The following XKR6 variants were observed in gnomAD, a reference collection of about 807,000 sequenced individuals.
XKR6 encodes the protein XK-related protein 6.
XKR6 carries 22 observed loss-of-function variants against 56.7 expected under a neutral mutation model. That is an observed-to-expected ratio of 0.39 (90% CI 0.28 to 0.55). The LOEUF (loss-of-function observed/expected upper bound fraction) is 0.55. XKR6 is among the 20% of genes least tolerant of loss of function. The pLI, the probability that XKR6 is intolerant of heterozygous loss-of-function variation, is 0.66. For missense variants in XKR6, 852 were observed against 889.0 expected (o/e 0.96, Z 0.53); for synonymous variants, 524 against 387.8 (o/e 1.35, Z -4.13).
chr8:11,158,751 C>A (rs767243103), intron 1 of XKR6, among the ~76,000 whole-genome samples: 6 of 152,104 alleles, frequency 3.9e-5, no homozygotes, highest in Admixed American at 1.3e-4. Context: ...GCAAAGATGA[C>A]GAAACGGACA....
chr8:11,181,650 G>T (rs10110684), intron 1 of XKR6, among the ~76,000 whole-genome samples: 1 of 152,046 alleles, frequency 6.6e-6, no homozygotes, highest in Admixed American at 6.5e-5. Context: ...AAGAAAATTT[G>T]GTGAGGAAGA....
At chr8:11,009,979 G>C (rs867637160) in intron 1 of XKR6, among the ~76,000 whole-genome samples, 24 of 152,208 alleles carry the variant, frequency 1.6e-4, no homozygotes, top group African/African-American at 5.8e-4. Flanking sequence ...GTATTAGTCT[G>C]TTCTCACATT....
At chr8:10,946,122 A>G (rs1239665088) in intron 1 of XKR6, among the ~76,000 whole-genome samples, 4 of 151,916 alleles carry the variant, frequency 2.6e-5, no homozygotes, top group Admixed American at 6.6e-5. Flanking sequence ...CCTCCTGACC[A>G]CACACACCTC....
At chr8:11,136,992 A>G (rs932758842) in intron 1 of XKR6, 1 of 152,360 alleles carries the variant, frequency 6.6e-6, no homozygotes, top group Admixed American at 6.5e-5. Flanking sequence ...ATGAAATAGA[A>G]TAGTAGTGTT....
chr8:10,962,910 A>G (rs1563314665), intron 1 of XKR6, among the ~76,000 whole-genome samples: 1 of 152,202 alleles, frequency 6.6e-6, no homozygotes, highest in African/African-American at 2.4e-5. Context: ...GGCATGAGCC[A>G]TCGCACCTGG....
At chr8:10,917,881 G>A (rs920845660) in intron 2 of XKR6, among the ~76,000 whole-genome samples, 11 of 152,186 alleles carry the variant, frequency 7.2e-5, no homozygotes, top group African/African-American at 2.4e-4. Flanking sequence ...TGAACTACAC[G>A]TTTTCTCAAA....
chr8:10,907,201 G>A, intron 2 of XKR6, among the ~76,000 whole-genome samples: 1 of 152,200 alleles, frequency 6.6e-6, no homozygotes, highest in East Asian at 1.9e-4. Flanking sequence ...ACATAAGAAA[G>A]GAGGATTTGG....
Position 11,061,363 on chromosome 8 carries a change from G to A in XKR6, c.765-136533C>T, listed in dbSNP as rs796761173. On this transcript the variant is annotated intron_variant, in intron 1 of 2. Coordinates refer to ENST00000416569, the MANE Select transcript of XKR6 (RefSeq NM_173683.4). ...CACCTGTAGTCCCAGCTACTGTGGA[G>A]GCTGAGGTGGGAGGATCACCTGAAC... 5.9e-5 allele frequency among the ~76,000 whole-genome samples: 9 copies of A among 152,270 alleles called. 1 individual carries two copies. Among genetic ancestry groups the A allele is most frequent in the African/African-American group, 2.2e-4 (9 of 41,548 alleles).
chr8:11,186,538 C>G (rs553506848), intron 1 of XKR6, among the ~76,000 whole-genome samples: 22 of 152,252 alleles, frequency 1.4e-4, no homozygotes, highest in African/African-American at 5.1e-4. Flanking sequence ...ACACCACATC[C>G]AGCTCATCTA....
chr8:11,005,711 G>C (rs75536426), intron 1 of XKR6, among the ~76,000 whole-genome samples: 3,729 of 152,102 alleles, frequency 0.025, 83 homozygotes, highest in Non-Finnish European at 0.036. Context: ...AATATTATAA[G>C]ATAGGAATCA....
rs1284631438 is a variant in XKR6 at position 11,049,466 on chromosome 8, G to A, written c.765-124636C>T. ...TCCCTGCGCCTCTCTGCAGGGGGCT[G>A]CGGGAATTAGCCTCCTCCAGGGGTG... On this transcript the variant is annotated intron_variant, in intron 1 of 2. Coordinates refer to ENST00000416569, the MANE Select transcript of XKR6 (RefSeq NM_173683.4). Among the ~76,000 whole-genome samples, 3 of 152,152 alleles carry A rather than the reference G, an allele frequency of 2.0e-5. No homozygotes were observed. In the East Asian group the frequency reaches 5.8e-4, roughly 29 times the overall value.
chr8:10,976,822 G>C (rs1467040812), intron 1 of XKR6, among the ~76,000 whole-genome samples: 6 of 151,778 alleles, frequency 4.0e-5, no homozygotes, highest in Non-Finnish European at 8.8e-5. Context: ...GATTTTACTT[G>C]CAATCCTCCA....
chr8:11,160,389 G>T (rs1801737110), intron 1 of XKR6, among the ~76,000 whole-genome samples: 1 of 150,760 alleles, frequency 6.6e-6, no homozygotes, highest in Admixed American at 6.6e-5. Context: ...GGCCTTTATG[G>T]GGAAAAAAAA....
chr8:11,029,970 T>C (rs1798954915), intron 1 of XKR6, among the ~76,000 whole-genome samples: 1 of 152,210 alleles, frequency 6.6e-6, no homozygotes, highest in Admixed American at 6.5e-5. Context: ...CCAGTCATCA[T>C]ACACACAAAT....
At chr8:11,025,593 C>T (rs1402740723) in intron 1 of XKR6, among the ~76,000 whole-genome samples, 1 of 152,164 alleles carries the variant, frequency 6.6e-6, no homozygotes, top group Admixed American at 6.5e-5. Context: ...GAAGTGAACA[C>T]AAATTGCTTC....
At chr8:11,086,793 A>T (rs1030363600) in intron 1 of XKR6, among the ~76,000 whole-genome samples, 2 of 152,230 alleles carry the variant, frequency 1.3e-5, no homozygotes, top group African/African-American at 4.8e-5. Flanking sequence ...TAAGCACAGT[A>T]GCTTGTTCTG....
intron 1 of XKR6, among the ~76,000 whole-genome samples, chr8:10,981,229 T>G (rs1033088755): frequency 1.3e-5 from 2 of 152,158 alleles, no homozygotes; most frequent in Non-Finnish European, 2.9e-5. Context: ...TGTGTGCTTG[T>G]CCCCAGAGCA....
intron 1 of XKR6, among the ~76,000 whole-genome samples, chr8:11,129,347 C>A (rs115649601): frequency 4.0e-4 from 61 of 152,310 alleles, no homozygotes; most frequent in African/African-American, 1.4e-3. Flanking sequence ...GCAGTTGTAT[C>A]ACTGCAGGAG....
At position 11,200,697 on chromosome 8, in the gene XKR6, C is replaced by A; in HGVS notation, c.643G>T (p.Ala215Ser). 1 of 1,572,600 alleles carries A rather than the reference C, an allele frequency of 6.4e-7. No individual in the cohort carries two copies. Among genetic ancestry groups the A allele is most frequent in the Admixed American group, 2.0e-5 (1 of 50,118 alleles). Reference sequence around the variant, plus strand: ...CTCACGCCTGGGCCACCGCGGGCCGCGCCGTGGACGTAGCCGGCCCCCATC... The same window carrying A: ...CTCACGCCTGGGCCACCGCGGGCCGAGCCGTGGACGTAGCCGGCCCCCATC... ...PMMGAGYVHG[A>S]ARGGPGVRVS... Residue 215 changes from alanine (A) to serine (S), a missense_variant, in exon 1 of 3, where the codon GCG becomes TCG. Physicochemically the swap from Ala to Ser is moderately conservative, Grantham distance 99. Coordinates refer to ENST00000416569, the MANE Select transcript of XKR6 (RefSeq NM_173683.4). This position sits in a 1 kb window ranked among gnomAD's most constrained non-coding sequence, Gnocchi z 6.4.
Sources: gnomAD v4.1 joint callset for allele counts (sites outside exome capture counted in the v4.1 genomes callset) on GRCh38, gnomAD v4.1.1 for gene constraint, Gnocchi (gnomAD v3.1) non-coding constraint, MANE v1.5 for transcripts, NCBI Gene and HGNC (gene_info 2026-07-23, HGNC 2026-07-21) for gene names.